The following ACAD11 variants were observed in gnomAD, a reference collection of about 807,000 sequenced individuals.
ACAD11 encodes the protein acyl-Coenzyme A dehydrogenase family, member 11.
In ACAD11, 83 loss-of-function variants were observed where a neutral mutation model predicts 102.2. The ratio of observed to expected loss-of-function variants is 0.81; its 90% confidence interval spans 0.68 to 0.97. The LOEUF is 0.97. ACAD11 is among the 50% of genes least tolerant of loss of function. The pLI, the probability that ACAD11 is intolerant of heterozygous loss-of-function variation, is 0.00. For synonymous variants in ACAD11, 324 were observed against 319.8 expected (o/e 1.01, Z -0.14); for missense variants, 901 against 951.7 (o/e 0.95, Z 0.70).
chr3:132,626,013 T>C lies in ACAD11; in HGVS notation c.1197+678A>G, dbSNP rs573689934. On this transcript the variant is annotated intron_variant, in intron 9 of 19. Coordinates refer to ENST00000264990, the MANE Select transcript of ACAD11 (RefSeq NM_032169.5). ...AACAGCCTGCCCCAACTCCCTTACATATTTTTGTAAAAGCTTTTATCTTTT... is the reference window on the plus strand; with the variant it reads ...AACAGCCTGCCCCAACTCCCTTACACATTTTTGTAAAAGCTTTTATCTTTT... Among the ~76,000 whole-genome samples, 18 of 152,266 alleles carry C rather than the reference T, an allele frequency of 1.2e-4. No individual in the cohort carries two copies. The South Asian group carries it at 3.3e-3, about 28-fold the overall frequency.
chr3:132,566,185 T>G (rs1937203584), intron 17 of ACAD11, among the ~76,000 whole-genome samples: 1 of 147,554 alleles, frequency 6.8e-6, no homozygotes, highest in South Asian at 2.1e-4. Flanking sequence ...AATAAAAAGC[T>G]CAGTAAATGG....
chr3:132,608,505 A>C (rs1442375304), intron 11 of ACAD11, among the ~76,000 whole-genome samples: 1 of 152,204 alleles, frequency 6.6e-6, no homozygotes, highest in African/African-American at 2.4e-5. Flanking sequence ...GTTTCTAATA[A>C]AACAGACTTT....
At chr3:132,622,962 T>C (rs1006442445) in intron 9 of ACAD11, among the ~76,000 whole-genome samples, 1 of 152,230 alleles carries the variant, frequency 6.6e-6, no homozygotes, top group Non-Finnish European at 1.5e-5. Flanking sequence ...GTTACCATTA[T>C]GTTAAAAGTG....
rs760127761 is a variant in ACAD11 at position 132,630,511 on chromosome 3, C to A, written c.889G>T (p.Gly297Ter). 1 of 1,612,318 alleles carries A rather than the reference C, an allele frequency of 6.2e-7. No homozygotes were observed. The highest frequency in any genetic ancestry group is 8.5e-7 in the Non-Finnish European group (1 of 1,179,040). Residue 297 changes from glycine to a stop codon, truncating the protein, a stop_gained, in exon 7 of 20, where the codon GGA (glycine) becomes TGA (stop). Coordinates refer to ENST00000264990, the MANE Select transcript of ACAD11 (RefSeq NM_032169.5). LOFTEE classifies it high-confidence loss of function. ...ELISIYCRCR[G>*]INSILPNWNF... is the part of the protein sequence containing the mutation. ...CAGTTAGGAAGAATAGAATTAATTC[C>A]CCTGCAGCGGCAATATATTGAAATC... is the stretch of plus-strand genomic sequence containing the variant.
chr3:132,618,367 T>A (rs994999570), intron 11 of ACAD11: 1 of 377,038 alleles, frequency 2.7e-6, no homozygotes, highest in African/African-American at 2.1e-5. Context: ...CATGGATCCA[T>A]GATCCATGAT....
chr3:132,592,056 C>A (rs560637681), intron 13 of ACAD11, among the ~76,000 whole-genome samples: 1 of 151,966 alleles, frequency 6.6e-6, no homozygotes, highest in African/African-American at 2.4e-5. Flanking sequence ...CTAAAAAATA[C>A]AATTTTTAAG....
intron 17 of ACAD11, among the ~76,000 whole-genome samples, chr3:132,567,644 T>C (rs932207184): frequency 3.9e-5 from 6 of 152,112 alleles, no homozygotes; most frequent in African/African-American, 1.4e-4. Context: ...AAGACAAAGA[T>C]TGATAAAGTG....
At chr3:132,567,400 G>A (rs932204282) in intron 17 of ACAD11, among the ~76,000 whole-genome samples, 1 of 151,902 alleles carries the variant, frequency 6.6e-6, no homozygotes, top group Non-Finnish European at 1.5e-5. Context: ...TAGAGAGAAA[G>A]GTAACTAGAT....
At chr3:132,571,467 G>T (rs1937378985) in intron 17 of ACAD11, among the ~76,000 whole-genome samples, 1 of 151,094 alleles carries the variant, frequency 6.6e-6, no homozygotes, top group African/African-American at 2.4e-5. Flanking sequence ...TTACTCTGTT[G>T]ATAGTTTCTT....
intron 17 of ACAD11, among the ~76,000 whole-genome samples, chr3:132,575,271 T>C (rs1490644661): frequency 6.6e-6 from 1 of 152,202 alleles, no homozygotes; most frequent in Non-Finnish European, 1.5e-5. Flanking sequence ...TCACAAAATG[T>C]TGGTCCCATT....
chr3:132,630,693 C>T (rs914454104), intron 6 of ACAD11, 135 bp from the exon 7 acceptor site: 4 of 717,436 alleles, frequency 5.6e-6, no homozygotes, highest in African/African-American at 5.5e-5. Context: ...TGTTCTAAAT[C>T]TTGATTTCCA....
chr3:132,637,974 T>C (rs887588132), intron 5 of ACAD11, among the ~76,000 whole-genome samples: 9 of 152,218 alleles, frequency 5.9e-5, no homozygotes, highest in African/African-American at 2.2e-4. Flanking sequence ...ATGTCTCCTA[T>C]AATTCTATCC....
At chr3:132,638,071 C>T (rs1002263638) in intron 5 of ACAD11, among the ~76,000 whole-genome samples, 4 of 151,866 alleles carry the variant, frequency 2.6e-5, no homozygotes, top group African/African-American at 7.3e-5. Context: ...GACAAGTAGT[C>T]TAAGAAAAGT....
intron 7 of ACAD11, among the ~76,000 whole-genome samples, chr3:132,629,004 G>A (rs1939930218): frequency 6.6e-6 from 1 of 152,002 alleles, no homozygotes; most frequent in African/African-American, 2.4e-5. Context: ...AAACATCACT[G>A]TGTCTTCTTT....
At chr3:132,571,684 C>T (rs1019600273) in intron 17 of ACAD11, among the ~76,000 whole-genome samples, 4 of 152,000 alleles carry the variant, frequency 2.6e-5, no homozygotes, top group Non-Finnish European at 5.9e-5. Flanking sequence ...AAACAGAATC[C>T]AGCAACACAT....
At chr3:132,655,428 G>T (rs1937734855) in intron 1 of ACAD11, among the ~76,000 whole-genome samples, 1 of 152,140 alleles carries the variant, frequency 6.6e-6, no homozygotes, top group Admixed American at 6.5e-5. Context: ...TTGCCTGACA[G>T]GGTCCCTGTT....
chr3:132,645,084 T>C (rs1433630582), intron 1 of ACAD11, among the ~76,000 whole-genome samples, 188 bp from the exon 2 acceptor site: 8 of 152,208 alleles, frequency 5.3e-5, no homozygotes, highest in Non-Finnish European at 1.2e-4. Flanking sequence ...GGCAACATAC[T>C]GGCAGCTGGA....
intron 11 of ACAD11, among the ~76,000 whole-genome samples, chr3:132,608,272 C>A (rs1028160003): frequency 2.6e-5 from 4 of 152,080 alleles, no homozygotes; most frequent in African/African-American, 9.7e-5. Flanking sequence ...TCACATATAA[C>A]AATATTAACC....
Position 132,659,715 on chromosome 3 carries a change from C to A in ACAD11, c.37G>T (p.Glu13Ter), listed in dbSNP as rs151048899. The change falls in exon 1 of 20, where the codon GAA (glutamate) becomes TAA (stop). Residue 13 changes from glutamate (E) to a stop codon, truncating the protein, a stop_gained. Transcript: ENST00000264990. LOFTEE classifies it high-confidence loss of function. ...PGATGESDLA[E>*]VLPQHKFDSK... ...TCGAACTTGTGCTGGGGCAGCACTT[C>A]GGCCAAATCGGACTCGCCAGTAGCA... The A allele has an allele frequency of 4.7e-4, 751 of 1,608,918 alleles. 2 individuals are homozygous for A. The African/African-American group carries it at 8.9e-3, about 19-fold the overall frequency.
Sources: gnomAD v4.1 joint callset for allele counts (sites outside exome capture counted in the v4.1 genomes callset) on GRCh38, gnomAD v4.1.1 for gene constraint, MANE v1.5 for transcripts, NCBI Gene and HGNC (gene_info 2026-07-23, HGNC 2026-07-21) for gene names.